EPS8L1: variants seen among roughly 807,000 people sequenced by gnomAD.
EPS8L1 encodes EPS8 signaling adaptor L1.
Under a neutral mutation model 91.7 loss-of-function variants are expected in EPS8L1, and 101 were observed. That is an observed-to-expected ratio of 1.10 (90% CI 0.94 to 1.30). The LOEUF (loss-of-function observed/expected upper bound fraction) is 1.30. EPS8L1 is among the 50% of genes most tolerant of loss of function. The pLI is 0.00. For synonymous variants in EPS8L1, 506 were observed against 445.3 expected, an observed-to-expected ratio of 1.14 and a Z score of -1.72; for missense variants, 1,114 against 1,017.0, an observed-to-expected ratio of 1.10 and a Z score of -1.30.
At chr19:55,079,907 TG>T in intron 5 of EPS8L1, 56 bp downstream of exon 5, 2 of 1,534,252 alleles carry the variant, frequency 1.3e-6, no homozygotes, top group Non-Finnish European at 1.8e-6. Context: ...TCAGGGGGTC[TG>T]GGTGTGAATC....
chr19:55,078,974 G>A (rs1179210057), intron 3 of EPS8L1, 25 bp from the exon 4 acceptor site: 1 of 1,613,680 alleles, frequency 6.2e-7, no homozygotes, highest in Non-Finnish European at 8.5e-7. Context: ...GGACTCCCAG[G>A]CTCATTCTCT....
At position 55,081,868 on chromosome 19, in the gene EPS8L1, C is replaced by T. The variant is rs746419358; in HGVS notation, c.870C>T (p.Arg290=). The T allele has an allele frequency of 2.5e-6, 4 of 1,608,176 alleles. No homozygotes were observed. The South Asian group carries it at 3.3e-5, about 13-fold the overall frequency. The change falls in exon 9 of 20, where the codon CGC becomes CGT. Residue 290 remains arginine, a synonymous_variant. Transcript: ENST00000201647. The surrounding 1 kb of genome is among the most constrained non-coding windows in gnomAD (Gnocchi z 4.9). The part of the protein sequence containing the change: ...EAARVLEHRE[R]GRRSRRRAAG... ...CCAGGGTGCTGGAGCACCGGGAACGCGGCCGCAGGAGCCGGCGCCGGGCGG... is the reference window on the plus strand; with the variant it reads ...CCAGGGTGCTGGAGCACCGGGAACGTGGCCGCAGGAGCCGGCGCCGGGCGG...
rs567891670 is a variant in EPS8L1 at position 55,079,807 on chromosome 19, C to A, written c.235C>A (p.Arg79=). The change falls in exon 5 of 20, where the codon CGA becomes AGA. Residue 79 remains arginine, a synonymous_variant. Coordinates refer to ENST00000201647, the MANE Select transcript of EPS8L1 (RefSeq NM_133180.3). ...GRVWAQEMLL[R]VSPDHVTLLD... is the part of the protein sequence containing the mutation. ...AGTCTGGGCACAGGAGATGCTGCTGCGAGTGTCTCCCGACCATGTCACGCT... is the reference window on the plus strand; with the variant it reads ...AGTCTGGGCACAGGAGATGCTGCTGAGAGTGTCTCCCGACCATGTCACGCT... 6.8e-6 allele frequency: 11 copies of A among 1,613,986 alleles called. No individual in the cohort carries two copies. The Admixed American group carries it at 8.3e-5, about 12-fold the overall frequency.
rs780350918 is a variant in EPS8L1, at chr19:55,082,144, C to A, written c.954C>A (p.Asp318Glu). The A allele has an allele frequency of 5.0e-6, 8 of 1,604,334 alleles. No homozygotes were observed. The Admixed American group carries it at 1.4e-4, about 27-fold the overall frequency. The change falls in exon 10 of 20, where the codon GAC (aspartate) becomes GAA (glutamate). Residue 318 changes from aspartate (D) to glutamate (E), a missense_variant. By Grantham distance (45) the Asp-to-Glu change is conservative. Transcript: ENST00000201647. ...AKPPSEAEYT[D>E]VLQKIKYAFS... ...CGCCCTCGGAGGCCGAGTACACCGA[C>A]GTGCTGCAGAAGATCAAGTACGCCT...
At chr19:55,080,106 T>C in intron 5 of EPS8L1, 23 bp from the exon 6 acceptor site, 1 of 1,473,284 alleles carries the variant, frequency 6.8e-7, no homozygotes, top group South Asian at 1.4e-5. Context: ...GGCCTCAGTT[T>C]ACCCCGCCAT....
rs375523239 is a variant in EPS8L1, at chr19:55,078,134, C to T, written c.58+6C>T. On this transcript the variant is annotated splice_donor_region_variant and intron_variant, in intron 3 of 19. Coordinates refer to ENST00000201647, the MANE Select transcript of EPS8L1 (RefSeq NM_133180.3). ...AAGCGCCAAGTCTATCTATGGTGAGCGGGGGGCAAGGGAGCCCCAGGCCCA... is the reference window on the plus strand; with the variant it reads ...AAGCGCCAAGTCTATCTATGGTGAGTGGGGGGCAAGGGAGCCCCAGGCCCA... 61 of 1,612,766 alleles carry T rather than the reference C, an allele frequency of 3.8e-5. No individual in the cohort carries two copies. The African/African-American group carries it at 4.4e-4, about 12-fold the overall frequency.
chr19:55,083,368 C>T lies in EPS8L1; in HGVS notation c.1215-10C>T, dbSNP rs202205695. On this transcript the variant is annotated splice_polypyrimidine_tract_variant and intron_variant, in intron 12 of 19. Coordinates refer to ENST00000201647, the MANE Select transcript of EPS8L1 (RefSeq NM_133180.3). This position sits in a 1 kb window ranked among gnomAD's most constrained non-coding sequence, Gnocchi z 4.7. ...GATCCCTGAGCTCTTGGCCCTGTCCCTGGCCGCAGGCTGGAGCTGTCCCCG... is the reference window on the plus strand; with the variant it reads ...GATCCCTGAGCTCTTGGCCCTGTCCTTGGCCGCAGGCTGGAGCTGTCCCCG... 1 of 1,611,728 alleles carries T rather than the reference C, an allele frequency of 6.2e-7. No homozygotes were observed. The highest frequency in any genetic ancestry group is 1.7e-5 in the Admixed American group (1 of 59,958).
In EPS8L1 at chr19:55,086,396, G is replaced by C. The variant is rs1435917965; in HGVS notation, c.1655G>C (p.Ser552Thr). Reference protein sequence around the residue: ...HSQSPARSLNSTPPPPPAPAP... With the variant: ...HSQSPARSLNTTPPPPPAPAP... ...CTCTCCTCTCCTTCCTTTCAGAACA[G>C]CACTCCTCCTCCACCACCAGCCCCA... The change falls in exon 17 of 20, where the codon AGC becomes ACC. Residue 552 changes from serine to threonine, a missense_variant. Transcript: ENST00000201647. 5.1e-6 allele frequency: 8 copies of C among 1,577,930 alleles called. No individual in the cohort carries two copies.
chr19:55,080,286 G>A lies in EPS8L1; in HGVS notation c.429+8G>A. On this transcript the variant is annotated splice_region_variant and intron_variant, in intron 6 of 19. Coordinates refer to ENST00000201647, the MANE Select transcript of EPS8L1 (RefSeq NM_133180.3). Reference sequence around the variant, plus strand: ...CAGGGCCTGCGCCTCGGGGTGAGCAGATGGGCTGGCTCTGGGGGTGGAGCT... The same window carrying A: ...CAGGGCCTGCGCCTCGGGGTGAGCAAATGGGCTGGCTCTGGGGGTGGAGCT... The A allele has an allele frequency of 6.5e-7, 1 of 1,535,198 alleles. No individual in the cohort carries two copies. The highest frequency in any genetic ancestry group is 8.8e-7 in the Non-Finnish European group (1 of 1,138,506).
intron 14 of EPS8L1, among the ~76,000 whole-genome samples, chr19:55,084,956 G>A (rs972487831): frequency 2.2e-4 from 34 of 152,036 alleles, no homozygotes; most frequent in Non-Finnish European, 4.0e-4. Context: ...CCGGGCTGGC[G>A]ATGCCACTCT....
chr19:55,087,435 G>A lies in EPS8L1; in HGVS notation c.2085G>A (p.Glu695=), dbSNP rs771016968. 74 of 1,614,038 alleles carry A rather than the reference G, an allele frequency of 4.6e-5. No homozygotes were observed. Among genetic ancestry groups the A allele is most frequent in the African/African-American group, 4.5e-4 (34 of 74,936 alleles). The change falls in exon 19 of 20, where the codon GAG becomes GAA. Residue 695 remains glutamate (E), a splice_region_variant and synonymous_variant. Transcript: ENST00000201647. The part of the protein sequence containing the change: ...SQVTVQRSLL[E]DKEKVSELEA... ...TCACCGTGCAGCGCTCGCTGCTGGA[G>A]GTGAGCCGGACCGCTGGTCCCTGGG...
chr19:55,084,030 T>G, intron 14 of EPS8L1: 1 of 451,888 alleles, frequency 2.2e-6, no homozygotes, highest in East Asian at 4.3e-5. Flanking sequence ...GAGCCCTGGA[T>G]ATTGGAGGGG....
chr19:55,079,458 G>A, intron 4 of EPS8L1: 1 of 601,942 alleles, frequency 1.7e-6, no homozygotes, highest in Admixed American at 3.1e-5. Flanking sequence ...CTCCTTCCCT[G>A]CCCGCAAGGA....
intron 2 of EPS8L1, 45 bp downstream of exon 2, chr19:55,076,506 G>T: frequency 6.3e-7 from 1 of 1,590,280 alleles, no homozygotes; most frequent in African/African-American, 1.3e-5. Context: ...CACGCCTCCC[G>T]CCTCCCCTCG....
Position 55,081,273 on chromosome 19 carries a change from T to C in EPS8L1, c.555T>C (p.Ala185=). Residue 185 remains alanine (A), a synonymous_variant, in exon 8 of 20, where the codon GCT becomes GCC. Coordinates refer to ENST00000201647, the MANE Select transcript of EPS8L1 (RefSeq NM_133180.3). This position sits in a 1 kb window ranked among gnomAD's most constrained non-coding sequence, Gnocchi z 4.9. ...TGCAGCGCGACCGCTCGCCCGCCGC[T>C]GAGACCCCGCCCCTGCAGCGCCGCC... ...EELQRDRSPA[A]ETPPLQRRPS... is the part of the protein sequence containing the mutation. The C allele has an allele frequency of 2.0e-6, 3 of 1,535,700 alleles. No individual in the cohort carries two copies. The highest frequency in any genetic ancestry group is 2.6e-6 in the Non-Finnish European group (3 of 1,150,688).
At chr19:55,085,713 T>G in intron 14 of EPS8L1, 128 bp from the exon 15 acceptor site, 3 of 1,049,214 alleles carry the variant, frequency 2.9e-6, no homozygotes, top group Non-Finnish European at 4.1e-6. Context: ...AAATTTCTAT[T>G]AACAGTATTA....
chr19:55,083,592 A>C lies in EPS8L1; in HGVS notation c.1357-24A>C. ...CGGCCGGTCCGCCTGGCCCCGCCTG[A>C]CCCGACTGTCTTACTTCCTACAGCA... On this transcript the variant is annotated intron_variant, in intron 13 of 19. Transcript: ENST00000201647. This position sits in a 1 kb window ranked among gnomAD's most constrained non-coding sequence, Gnocchi z 4.7. 1 of 1,595,992 alleles carries C rather than the reference A, an allele frequency of 6.3e-7. No homozygotes were observed. The highest frequency in any genetic ancestry group is 8.5e-7 in the Non-Finnish European group (1 of 1,171,710).
In EPS8L1 at chr19:55,081,124, C is replaced by T. The variant is rs995611257; in HGVS notation, c.513-107C>T. ...CTCCCTACCTCGTTGAACTTGTTCACTCCCTTTGAGCCTTTTGAGCCTGTG... is the reference window on the plus strand; with the variant it reads ...CTCCCTACCTCGTTGAACTTGTTCATTCCCTTTGAGCCTTTTGAGCCTGTG... On this transcript the variant is annotated intron_variant, in intron 7 of 19. Transcript: ENST00000201647. The surrounding 1 kb of genome is among the most constrained non-coding windows in gnomAD (Gnocchi z 4.9). 1.5e-6 allele frequency: 2 copies of T among 1,343,820 alleles called. No individual in the cohort carries two copies. The highest frequency in any genetic ancestry group is 3.0e-5 in the African/African-American group (2 of 67,686). 83.2% of individuals were successfully genotyped at this position (1,343,820 alleles called of 1,614,324 possible). A position where few individuals can be genotyped will look rare whatever the true frequency, so the allele number is the denominator to read the frequency against.
intron 6 of EPS8L1, 189 bp from the exon 7 acceptor site, chr19:55,080,583 G>C (rs1343216275): frequency 1.2e-6 from 2 of 1,605,206 alleles, no homozygotes; most frequent in East Asian, 2.2e-5. Context: ...CCATGGGCGG[G>C]GTCGTGGCTT....
Sources: allele counts gnomAD v4.1 joint callset (sites outside exome capture counted in the v4.1 genomes callset), GRCh38; gene constraint gnomAD v4.1.1; non-coding constraint Gnocchi (gnomAD v3.1); transcripts MANE v1.5; gene names NCBI Gene and HGNC (gene_info 2026-07-23, HGNC 2026-07-21).